Variants in CLVS1 observed in about 807,000 individuals in gnomAD.
The protein encoded by CLVS1 is clavesin 1.
Under a neutral mutation model 33.1 loss-of-function variants are expected in CLVS1, and 10 were observed. The observed-to-expected ratio is 0.30, with a 90% CI of 0.19 to 0.51. The LOEUF (loss-of-function observed/expected upper bound fraction) is 0.51. Among genes scored for constraint, CLVS1 ranks in the 20% least tolerant of loss-of-function variants. The pLI, the probability that CLVS1 is intolerant of heterozygous loss-of-function variation, is 0.97. For missense variants in CLVS1, 343 were observed against 433.4 expected, an observed-to-expected ratio of 0.79 and a Z score of 1.85; for synonymous variants, 163 against 166.1, an observed-to-expected ratio of 0.98 and a Z score of 0.14.
chr8:61,157,139 G>C (rs1277412359), intron 2 of CLVS1, among the ~76,000 whole-genome samples: 1 of 152,196 alleles, frequency 6.6e-6, no homozygotes, highest in African/African-American at 2.4e-5. Flanking sequence ...AGGCACTCTA[G>C]CTTGTGTCAG....
Position 61,088,075 on chromosome 8 carries a change from A to G in CLVS1, c.-243+30845A>G, listed in dbSNP as rs530130180. Among the ~76,000 whole-genome samples, 52 of 152,334 alleles carry G rather than the reference A, an allele frequency of 3.4e-4. 1 individual carries two copies. Among genetic ancestry groups the G allele is most frequent in the Admixed American group, 2.1e-3 (32 of 15,306 alleles). ...GACTTGAACTTTATTAAATGACATC[A>G]AACTATATGTATGCATTTTTCAATT... is the stretch of plus-strand genomic sequence containing the variant. On this transcript the variant is annotated intron_variant, in intron 1 of 2. Coordinates refer to the CLVS1 transcript ENST00000522621.
intron 1 of CLVS1, among the ~76,000 whole-genome samples, chr8:61,099,901 T>C (rs181864056): frequency 6.6e-6 from 1 of 152,302 alleles, no homozygotes; most frequent in East Asian, 1.9e-4. Flanking sequence ...AGTAGCAATA[T>C]AATCGGATAT....
chr8:61,202,384 C>A, intron 2 of CLVS1: 1 of 754,670 alleles, frequency 1.3e-6, no homozygotes. Flanking sequence ...CATGAGCTCC[C>A]TGAGGCCCCA....
At chr8:61,224,178 T>C (rs1027587915) in intron 2 of CLVS1, among the ~76,000 whole-genome samples, 1 of 152,112 alleles carries the variant, frequency 6.6e-6, no homozygotes, top group African/African-American at 2.4e-5. Context: ...TCAATTCATC[T>C]ATCTCCTCCT....
chr8:61,230,233 T>G (rs10504323), intron 2 of CLVS1, among the ~76,000 whole-genome samples: 11,847 of 152,200 alleles, frequency 0.078, 863 homozygotes, highest in African/African-American at 0.19. Context: ...TTTCTACTTT[T>G]CTTTGTGAGG....
At chr8:61,464,030 T>C (rs1817461926) in intron 5 of CLVS1, among the ~76,000 whole-genome samples, 1 of 136,980 alleles carries the variant, frequency 7.3e-6, no homozygotes, top group Admixed American at 7.0e-5. Flanking sequence ...TGAGTCAAGA[T>C]CACGCCACTG....
intron 3 of CLVS1, among the ~76,000 whole-genome samples, chr8:61,406,361 T>G (rs577094398): frequency 2.0e-5 from 3 of 152,218 alleles, no homozygotes; most frequent in African/African-American, 7.2e-5. Flanking sequence ...AAAAATAAGT[T>G]CATGACCCAT....
chr8:60,991,527 T>C, the CLVS1 span, among the ~76,000 whole-genome samples: 8 of 152,296 alleles, frequency 5.3e-5, no homozygotes, highest in African/African-American at 1.9e-4. Context: ...TTACCCTTGG[T>C]ATATAATCAG....
rs113161008 is a variant in CLVS1, at chr8:61,413,864, C to A, written c.630+37085C>A. Among the ~76,000 whole-genome samples, 701 of 152,322 alleles carry A rather than the reference C, an allele frequency of 4.6e-3. 4 individuals are homozygous for A. Among genetic ancestry groups the A allele is most frequent in the African/African-American group, 0.015 (640 of 41,570 alleles). On this transcript the variant is annotated intron_variant, in intron 3 of 5. Coordinates refer to ENST00000325897, the MANE Select transcript of CLVS1 (RefSeq NM_173519.3). Reference sequence around the variant, plus strand: ...AGGTACTGCCACCAGAGGCATTTACCCTACAATGGCTAATGCACAGGTGCC... The same window carrying A: ...AGGTACTGCCACCAGAGGCATTTACACTACAATGGCTAATGCACAGGTGCC...
intron 5 of CLVS1, among the ~76,000 whole-genome samples, chr8:61,470,717 A>G (rs1260864255): frequency 6.6e-6 from 1 of 152,232 alleles, no homozygotes; most frequent in Non-Finnish European, 1.5e-5. Flanking sequence ...AATATATGGT[A>G]GAAGTCTCTC....
intron 2 of CLVS1, among the ~76,000 whole-genome samples, chr8:61,362,233 G>A (rs553275296): frequency 1.3e-5 from 2 of 152,280 alleles, no homozygotes; most frequent in Non-Finnish European, 2.9e-5. Flanking sequence ...GGGACATTTG[G>A]CCAAGACCTG....
chr8:61,214,810 A>G (rs896247878), intron 2 of CLVS1, among the ~76,000 whole-genome samples: 2 of 152,184 alleles, frequency 1.3e-5, no homozygotes, highest in Non-Finnish European at 2.9e-5. Context: ...TGCATTGACC[A>G]TATATCATGA....
Position 61,398,372 on chromosome 8 carries a change from G to A in CLVS1, c.630+21593G>A, listed in dbSNP as rs904513761. 5.3e-5 allele frequency among the ~76,000 whole-genome samples: 8 copies of A among 151,876 alleles called. No individual in the cohort carries two copies. In the South Asian group the frequency reaches 1.5e-3, roughly 28 times the overall value. The stretch of plus-strand genomic sequence containing the variant: ...AATTTTTGTGTTTTTGGTAGAGACC[G>A]GGTTTCACCACATTGCTCAGGCTGG... On this transcript the variant is annotated intron_variant, in intron 3 of 5. Transcript: ENST00000325897.
At chr8:61,418,017 C>A (rs1400326793) in intron 3 of CLVS1, among the ~76,000 whole-genome samples, 1 of 152,190 alleles carries the variant, frequency 6.6e-6, no homozygotes, top group Non-Finnish European at 1.5e-5. Flanking sequence ...GCTTGTTCTA[C>A]AGAAAGGATA....
At chr8:61,180,819 C>T (rs1336370941) in intron 2 of CLVS1, among the ~76,000 whole-genome samples, 3 of 152,072 alleles carry the variant, frequency 2.0e-5, no homozygotes, top group Non-Finnish European at 4.4e-5. Flanking sequence ...CAATAAACTA[C>T]ATATTGATGG....
chr8:61,224,624 C>T (rs1808289794), intron 2 of CLVS1, among the ~76,000 whole-genome samples: 1 of 152,184 alleles, frequency 6.6e-6, no homozygotes, highest in African/African-American at 2.4e-5. Context: ...GTCTGACAAC[C>T]CCTGTTGGGG....
intron 2 of CLVS1, chr8:61,203,362 A>G (rs1015518660): frequency 3.7e-5 from 21 of 570,486 alleles, no homozygotes; most frequent in Middle Eastern, 4.7e-4. Context: ...TCCAGGTTCT[A>G]TTGCCAAGAA....
chr8:61,313,649 C>T (rs1162554672), intron 2 of CLVS1, among the ~76,000 whole-genome samples: 1 of 152,128 alleles, frequency 6.6e-6, no homozygotes, highest in Non-Finnish European at 1.5e-5. Flanking sequence ...TCCATGAGTA[C>T]AGTGCAGGGG....
intron 3 of CLVS1, among the ~76,000 whole-genome samples, chr8:61,444,096 C>T (rs1816668951): frequency 6.6e-6 from 1 of 152,030 alleles, no homozygotes; most frequent in South Asian, 2.1e-4. Flanking sequence ...CATTGATAAA[C>T]TCATTAGTTA....
Sources: gnomAD v4.1 joint callset for allele counts (sites outside exome capture counted in the v4.1 genomes callset) on GRCh38, gnomAD v4.1.1 for gene constraint, MANE v1.5 for transcripts, NCBI Gene and HGNC (gene_info 2026-07-23, HGNC 2026-07-21) for gene names.